The following PPM1L variants were observed in gnomAD, a reference collection of about 807,000 sequenced individuals.
PPM1L encodes the protein protein phosphatase, Mg2+/Mn2+ dependent 1L, also known as protein phosphatase 1L.
In PPM1L, 13 loss-of-function variants were observed where a neutral mutation model predicts 31.4. That is an observed-to-expected ratio of 0.41 (90% CI 0.27 to 0.66). The LOEUF (loss-of-function observed/expected upper bound fraction) is 0.66, where lower values mean the gene tolerates loss of function less well. PPM1L is among the 30% of genes least tolerant of loss of function. The pLI is 0.29. For synonymous variants in PPM1L, 184 were observed against 175.4 expected (o/e 1.05, Z -0.39); for missense variants, 326 against 453.7 (o/e 0.72, Z 2.56).
At chr3:161,064,723 G>A (rs1229073848) in intron 2 of PPM1L, among the ~76,000 whole-genome samples, 1 of 152,078 alleles carries the variant, frequency 6.6e-6, no homozygotes, top group African/African-American at 2.4e-5. Context: ...TGTCTTGTGT[G>A]GGCTTCAGGC....
At chr3:160,861,280 A>T (rs1291631331) in intron 1 of PPM1L, among the ~76,000 whole-genome samples, 2 of 152,200 alleles carry the variant, frequency 1.3e-5, no homozygotes, top group African/African-American at 4.8e-5. Context: ...TGGGCAGAAT[A>T]TAGTGTAATG....
chr3:160,807,220 C>T (rs1243111431), intron 1 of PPM1L, among the ~76,000 whole-genome samples: 1 of 152,144 alleles, frequency 6.6e-6, no homozygotes, highest in East Asian at 1.9e-4. Context: ...CATTTTTTTA[C>T]TTAACTTTGG....
intron 1 of PPM1L, among the ~76,000 whole-genome samples, chr3:160,758,859 C>T (rs187804300): frequency 1.3e-5 from 2 of 152,148 alleles, no homozygotes; most frequent in African/African-American, 4.8e-5. Flanking sequence ...CATTAAAAAG[C>T]ATGCTGTTTG....
At chr3:160,887,169 T>C (rs1209529223) in intron 1 of PPM1L, among the ~76,000 whole-genome samples, 3 of 151,614 alleles carry the variant, frequency 2.0e-5, no homozygotes, top group Admixed American at 6.6e-5. Flanking sequence ...GAAAAAACAA[T>C]GAAAAGGAAT....
chr3:160,938,590 C>G (rs1426686997), intron 1 of PPM1L, among the ~76,000 whole-genome samples: 1 of 152,102 alleles, frequency 6.6e-6, no homozygotes, highest in East Asian at 1.9e-4. Context: ...TTAACACCTC[C>G]GAAGTAGGGT....
intron 1 of PPM1L, among the ~76,000 whole-genome samples, chr3:160,798,532 A>G (rs957984823): frequency 1.3e-5 from 2 of 152,226 alleles, no homozygotes; most frequent in Non-Finnish European, 2.9e-5. Flanking sequence ...CAAAGCTTGG[A>G]TGATAGCACA....
At chr3:160,861,255 G>T (rs999121616) in intron 1 of PPM1L, among the ~76,000 whole-genome samples, 3 of 152,160 alleles carry the variant, frequency 2.0e-5, no homozygotes, top group Non-Finnish European at 4.4e-5. Context: ...ATTATAATGA[G>T]AAGCAACTAT....
intron 2 of PPM1L, among the ~76,000 whole-genome samples, chr3:161,021,852 T>A (rs948687203): frequency 3.9e-5 from 6 of 152,096 alleles, no homozygotes; most frequent in African/African-American, 1.2e-4. Context: ...TGGTTTTTTT[T>A]ATAGCATACT....
intron 1 of PPM1L, among the ~76,000 whole-genome samples, chr3:160,780,811 G>A (rs887092159): frequency 9.2e-5 from 14 of 152,138 alleles, no homozygotes; most frequent in Non-Finnish European, 1.6e-4. Context: ...TTGGGTTGTA[G>A]ACAGACATAT....
intron 1 of PPM1L, among the ~76,000 whole-genome samples, chr3:160,800,269 A>G (rs1008198292): frequency 1.3e-5 from 2 of 152,120 alleles, no homozygotes; most frequent in Admixed American, 6.5e-5. Flanking sequence ...AGAACTTTTA[A>G]TTGTATCATT....
At chr3:160,846,705 G>GA (rs144395645) in intron 1 of PPM1L, among the ~76,000 whole-genome samples, 17,175 of 151,860 alleles carry the variant, frequency 0.11, 2,078 homozygotes, top group African/African-American at 0.3. Flanking sequence ...TGATACTCTT[G>GA]AAAAAAATTT....
chr3:161,024,497 G>A (rs375439694), intron 2 of PPM1L, among the ~76,000 whole-genome samples: 6 of 151,878 alleles, frequency 4.0e-5, no homozygotes, highest in African/African-American at 7.3e-5. Flanking sequence ...TCGGGAGTTC[G>A]AGACCAGCCT....
chr3:160,861,454 T>A (rs1229089567), intron 1 of PPM1L, among the ~76,000 whole-genome samples: 1 of 152,206 alleles, frequency 6.6e-6, no homozygotes, highest in East Asian at 1.9e-4. Context: ...TGCCAATTGC[T>A]CTTAAAGGCA....
At chr3:160,973,728 A>AT (rs1311258439) in intron 2 of PPM1L, among the ~76,000 whole-genome samples, 1 of 131,930 alleles carries the variant, frequency 7.6e-6, no homozygotes, top group Non-Finnish European at 1.6e-5. Context: ...AGACACTTTA[A>AT]GAATTCATCT....
intron 1 of PPM1L, among the ~76,000 whole-genome samples, chr3:160,841,813 T>A (rs528335849): frequency 6.6e-6 from 1 of 152,218 alleles, no homozygotes; most frequent in African/African-American, 2.4e-5. Context: ...TACTTTTGTC[T>A]TATGTGAAAT....
At chr3:160,820,233 C>T (rs1225813850) in intron 1 of PPM1L, among the ~76,000 whole-genome samples, 1 of 152,062 alleles carries the variant, frequency 6.6e-6, no homozygotes, top group Non-Finnish European at 1.5e-5. Flanking sequence ...TATTATTCAT[C>T]AACTCTTTAT....
chr3:161,019,887 A>G (rs1329766498), intron 2 of PPM1L, among the ~76,000 whole-genome samples: 1 of 152,172 alleles, frequency 6.6e-6, no homozygotes, highest in Admixed American at 6.5e-5. Flanking sequence ...ACACTTTGGG[A>G]AGCCAAGGCA....
At chr3:160,896,772 C>G (rs1202478308) in intron 1 of PPM1L, among the ~76,000 whole-genome samples, 1 of 152,220 alleles carries the variant, frequency 6.6e-6, no homozygotes, top group Non-Finnish European at 1.5e-5. Flanking sequence ...GAAATTTTGA[C>G]AGAATCATAA....
chr3:160,961,786 T>A lies in PPM1L; in HGVS notation c.450T>A (p.His150Gln). The A allele has an allele frequency of 6.2e-7, 1 of 1,603,306 alleles. No individual in the cohort carries two copies. The highest frequency in any genetic ancestry group is 2.3e-5 in the East Asian group (1 of 44,300). ...KSRLPEALKQ[H>Q]LQDYEKDKEN... is the part of the protein sequence containing the mutation. Reference sequence around the variant, plus strand: ...GACTCCCAGAGGCCCTTAAACAGCATCTTCAGGACTACGAGAAAGACAAAG... The same window carrying A: ...GACTCCCAGAGGCCCTTAAACAGCAACTTCAGGACTACGAGAAAGACAAAG... Residue 150 changes from histidine (H) to glutamine (Q), a missense_variant, in exon 2 of 4, where the codon CAT becomes CAA. His to Gln is a conservative substitution (Grantham distance 24). This residue lies in a region of PPM1L where 201 missense variants were observed against 298.2 expected (regional missense o/e 0.67). Coordinates refer to ENST00000498165, the MANE Select transcript of PPM1L (RefSeq NM_139245.4).
Sources: allele counts gnomAD v4.1 joint callset (sites outside exome capture counted in the v4.1 genomes callset), GRCh38; gene constraint gnomAD v4.1.1; regional missense constraint gnomAD v4.1.1; transcripts MANE v1.5; gene names NCBI Gene and HGNC (gene_info 2026-07-23, HGNC 2026-07-21).